The following PTPRG variants were observed in gnomAD, a reference collection of about 807,000 sequenced individuals.
PTPRG encodes the protein receptor-type tyrosine-protein phosphatase gamma.
Under a neutral mutation model 165.3 loss-of-function variants are expected in PTPRG, and 102 were observed. The observed-to-expected ratio is 0.62, with a 90% CI of 0.53 to 0.73. PTPRG has a LOEUF of 0.73. PTPRG is among the 30% of genes least tolerant of loss of function. PTPRG has a pLI of 0.00. For missense variants in PTPRG, 1,866 were observed against 1,861.4 expected (o/e 1.00, Z -0.05); for synonymous variants, 675 against 669.5 (o/e 1.01, Z -0.13).
intron 1 of PTPRG, among the ~76,000 whole-genome samples, chr3:61,614,442 G>A (rs1172146526): frequency 2.6e-5 from 2 of 77,244 alleles, no homozygotes; most frequent in Non-Finnish European, 5.2e-5. Flanking sequence ...TTTTGAGACA[G>A]GATCTTTCCC....
At chr3:61,753,245 A>G (rs931539366) in intron 2 of PTPRG, among the ~76,000 whole-genome samples, 1 of 152,352 alleles carries the variant, frequency 6.6e-6, no homozygotes, top group African/African-American at 2.4e-5. Flanking sequence ...ATGTAATTTG[A>G]TGATTGATTT....
At chr3:61,889,557 G>A (rs144143977) in intron 2 of PTPRG, among the ~76,000 whole-genome samples, 112 of 152,266 alleles carry the variant, frequency 7.4e-4, no homozygotes, top group Non-Finnish European at 1.2e-3. Context: ...TGTTATCTCC[G>A]TTAGTATTTT....
chr3:62,281,454 T>A, intron 26 of PTPRG, 109 bp from the exon 27 acceptor site: 1 of 984,450 alleles, frequency 1.0e-6, no homozygotes, highest in South Asian at 1.7e-5. Flanking sequence ...TGAATTCAGT[T>A]TAAACGATGG....
At chr3:61,585,909 G>T (rs1489376208) in intron 1 of PTPRG, among the ~76,000 whole-genome samples, 1 of 152,152 alleles carries the variant, frequency 6.6e-6, no homozygotes, top group African/African-American at 2.4e-5. Context: ...TGTTTCATTT[G>T]TTGGGGACCT....
chr3:62,057,934 T>A (rs1390873355), intron 4 of PTPRG, among the ~76,000 whole-genome samples: 1 of 152,230 alleles, frequency 6.6e-6, no homozygotes, highest in Non-Finnish European at 1.5e-5. Flanking sequence ...ATTATTTTGC[T>A]AGCATGTTAA....
chr3:61,754,076 A>C (rs1335261943), intron 2 of PTPRG, among the ~76,000 whole-genome samples: 2 of 152,132 alleles, frequency 1.3e-5, no homozygotes, highest in African/African-American at 4.8e-5. Flanking sequence ...TCTAAGAATC[A>C]GTACAAGGAG....
At position 61,760,674 on chromosome 3, in the gene PTPRG, C is replaced by T. The variant is rs184717345; in HGVS notation, c.190+11692C>T. On this transcript the variant is annotated intron_variant, in intron 2 of 29. Transcript: ENST00000474889. The stretch of plus-strand genomic sequence containing the variant: ...GGTTTGTTACAAAGGGAAAGTGCGC[C>T]TGGTGATTTGCTGCACCTATCAACC... Among the ~76,000 whole-genome samples, 50 of 152,202 alleles carry T rather than the reference C, an allele frequency of 3.3e-4. No homozygotes were observed. The East Asian group carries it at 8.7e-3, about 26-fold the overall frequency.
At chr3:62,135,794 G>A (rs1010962772) in intron 6 of PTPRG, among the ~76,000 whole-genome samples, 3 of 152,126 alleles carry the variant, frequency 2.0e-5, no homozygotes, top group African/African-American at 7.2e-5. Context: ...CAAGGAGAGA[G>A]GTGAGCTAGG....
intron 2 of PTPRG, among the ~76,000 whole-genome samples, chr3:61,873,923 T>G (rs2037654531): frequency 6.6e-6 from 1 of 152,196 alleles, no homozygotes; most frequent in African/African-American, 2.4e-5. Context: ...TTAAAATTGT[T>G]CAGTAGAGCA....
rs183049906 is a variant in PTPRG, at chr3:61,680,705, G to A, written c.86-68173G>A. Among the ~76,000 whole-genome samples the A allele has an allele frequency of 2.9e-3, 434 of 151,570 alleles. 2 individuals are homozygous for A. Among genetic ancestry groups the A allele is most frequent in the African/African-American group, 0.01 (424 of 41,420 alleles). ...ATAGGCTTTCAGGGTATATTGGTGA[G>A]CAAACTTTTCCTAGAGCTGTTTCTG... is the stretch of plus-strand genomic sequence containing the variant. On this transcript the variant is annotated intron_variant, in intron 1 of 29. Coordinates refer to ENST00000474889, the MANE Select transcript of PTPRG (RefSeq NM_002841.4).
At chr3:62,215,729 T>C (rs1342646673) in intron 12 of PTPRG, among the ~76,000 whole-genome samples, 1 of 152,028 alleles carries the variant, frequency 6.6e-6, no homozygotes, top group Non-Finnish European at 1.5e-5. Context: ...TGAACCTCTC[T>C]GAGAATCTAA....
At chr3:61,746,031 CTTTCTTTCTTT>C (rs1559588063) in intron 1 of PTPRG, among the ~76,000 whole-genome samples, 23 of 144,454 alleles carry the variant, frequency 1.6e-4, no homozygotes, top group Non-Finnish European at 2.5e-4. Context: ...TTTTATTAAA[CTTTCTTTCTTT>C]TTCTTTTCTT....
At chr3:62,032,454 T>G (rs1699799632) in intron 4 of PTPRG, among the ~76,000 whole-genome samples, 1 of 152,194 alleles carries the variant, frequency 6.6e-6, no homozygotes. Context: ...TTCTGGAGTT[T>G]CCAGTGGCTA....
chr3:61,624,003 C>T (rs1183690890), intron 1 of PTPRG, among the ~76,000 whole-genome samples: 1 of 152,174 alleles, frequency 6.6e-6, no homozygotes, highest in African/African-American at 2.4e-5. Flanking sequence ...TTCAGGTGCT[C>T]AGTTTACCTG....
At chr3:62,137,895 T>C (rs1397517699) in intron 6 of PTPRG, among the ~76,000 whole-genome samples, 1 of 152,272 alleles carries the variant, frequency 6.6e-6, no homozygotes, top group Non-Finnish European at 1.5e-5. Context: ...GCTTTTTTAC[T>C]GTTCCAATTT....
chr3:61,629,647 A>C (rs115570195), intron 1 of PTPRG, among the ~76,000 whole-genome samples: 3 of 152,184 alleles, frequency 2.0e-5, no homozygotes, highest in African/African-American at 7.2e-5. Flanking sequence ...GCTCCTTGCC[A>C]GCTGTGGGCA....
intron 2 of PTPRG, among the ~76,000 whole-genome samples, chr3:61,790,989 C>T (rs1179508981): frequency 6.6e-6 from 1 of 152,094 alleles, no homozygotes; most frequent in East Asian, 1.9e-4. Context: ...TCAGTCAGCA[C>T]CTCCTTTTTC....
intron 1 of PTPRG, among the ~76,000 whole-genome samples, chr3:61,596,726 G>C (rs996476501): frequency 1.3e-5 from 2 of 152,102 alleles, no homozygotes; most frequent in Non-Finnish European, 2.9e-5. Flanking sequence ...AAGTAGAAAA[G>C]ACAATGAACA....
chr3:61,604,387 T>G (rs747091361), intron 1 of PTPRG, among the ~76,000 whole-genome samples: 2 of 152,224 alleles, frequency 1.3e-5, no homozygotes, highest in Non-Finnish European at 2.9e-5. Flanking sequence ...CGGGAGGTTG[T>G]AATAATTCAA....
Sources: allele counts gnomAD v4.1 joint callset (sites outside exome capture counted in the v4.1 genomes callset), GRCh38; gene constraint gnomAD v4.1.1; transcripts MANE v1.5; gene names NCBI Gene and HGNC (gene_info 2026-07-23, HGNC 2026-07-21).